The following CCSER2 variants were observed in gnomAD, a reference collection of about 807,000 sequenced individuals.
CCSER2 encodes coiled-coil serine rich protein 2, also known as serine-rich coiled-coil domain-containing protein 2.
A neutral mutation model predicts 92.3 loss-of-function variants in CCSER2; 46 were observed. The ratio of observed to expected loss-of-function variants is 0.50; its 90% confidence interval spans 0.39 to 0.64. CCSER2 has a LOEUF of 0.64. Among genes scored for constraint, CCSER2 ranks in the 30% least tolerant of loss-of-function variants. The pLI is 0.00. For missense variants in CCSER2, 1,244 were observed against 1,238.9 expected (o/e 1.00, Z -0.06); for synonymous variants, 433 against 431.4 (o/e 1.00, Z -0.04).
At chr10:84,425,158 A>C (rs1843362372) in intron 4 of CCSER2, 1 of 985,074 alleles carries the variant, frequency 1.0e-6, no homozygotes, top group South Asian at 4.7e-5. Context: ...CTTTGTTTTC[A>C]GTGGCATTTT....
intron 3 of CCSER2, among the ~76,000 whole-genome samples, chr10:84,380,475 A>G (rs762983064): frequency 1.3e-5 from 2 of 152,076 alleles, no homozygotes; most frequent in African/African-American, 4.8e-5. Context: ...TGACAATTAA[A>G]TCTAGTAATG....
At chr10:84,436,499 C>T (rs1174049283) in intron 5 of CCSER2, among the ~76,000 whole-genome samples, 1 of 148,904 alleles carries the variant, frequency 6.7e-6, no homozygotes, top group African/African-American at 2.5e-5. Flanking sequence ...GCCCGGCGTG[C>T]TGGCGGGCAC....
chr10:84,342,558 C>G (rs769177844), intron 1 of CCSER2, among the ~76,000 whole-genome samples: 27 of 152,134 alleles, frequency 1.8e-4, no homozygotes, highest in Non-Finnish European at 3.8e-4. Flanking sequence ...TTCTCCTGTT[C>G]ACAGAATAAA....
At chr10:84,513,003 A>T (rs1210878233) in intron 9 of CCSER2, among the ~76,000 whole-genome samples, 1 of 152,100 alleles carries the variant, frequency 6.6e-6, no homozygotes, top group African/African-American at 2.4e-5. Context: ...GAAGAACAAC[A>T]CTTGTTAACA....
At chr10:84,362,528 A>G (rs1236582199) in intron 1 of CCSER2, among the ~76,000 whole-genome samples, 1 of 152,196 alleles carries the variant, frequency 6.6e-6, no homozygotes, top group East Asian at 1.9e-4. Context: ...TTTTAAGTTT[A>G]AATTTCAGGA....
At chr10:84,353,138 C>T (rs919476593) in intron 1 of CCSER2, among the ~76,000 whole-genome samples, 1 of 152,164 alleles carries the variant, frequency 6.6e-6, no homozygotes, top group African/African-American at 2.4e-5. Context: ...ACACATATAC[C>T]TACTTGGTAA....
chr10:84,441,736 GTTTTTTTTTTTTTTTTTTTTTTT>G (rs869280119), intron 6 of CCSER2, among the ~76,000 whole-genome samples: 1,295 of 43,642 alleles, frequency 0.03, 47 homozygotes, highest in Middle Eastern at 0.11. Flanking sequence ...CTGGGAAAAT[GTTTTTTTTTTTTTTTTTTTTTTT>G]TTTTTTTTTT....
chr10:84,483,614 T>C (rs1471262666), intron 9 of CCSER2, among the ~76,000 whole-genome samples: 2 of 151,950 alleles, frequency 1.3e-5, no homozygotes, highest in African/African-American at 2.4e-5. Context: ...ACTCTATTTT[T>C]TCTTGCCTGA....
chr10:84,367,859 G>T (rs1221684172), intron 1 of CCSER2, among the ~76,000 whole-genome samples: 1 of 152,014 alleles, frequency 6.6e-6, no homozygotes, highest in East Asian at 1.9e-4. Context: ...TGTGTTACAA[G>T]AAACTGTTTA....
At chr10:84,391,443 T>C (rs1841514056) in intron 3 of CCSER2, 1 of 1,558,882 alleles carries the variant, frequency 6.4e-7, no homozygotes, top group South Asian at 1.1e-5. Context: ...TATTTTGCCC[T>C]GTTAGGTGAC....
chr10:84,439,207 T>TC (rs1844376838), intron 6 of CCSER2, among the ~76,000 whole-genome samples: 1 of 151,244 alleles, frequency 6.6e-6, no homozygotes, highest in Non-Finnish European at 1.5e-5. Context: ...TCTTTTTTTT[T>TC]TTTGAGAAAA....
chr10:84,470,496 C>T (rs763926595), intron 8 of CCSER2, 38 bp downstream of exon 8: 1 of 1,336,910 alleles, frequency 7.5e-7, no homozygotes, highest in Non-Finnish European at 9.7e-7. Flanking sequence ...ACTTTTCAAA[C>T]TGGGTGAAAT....
At chr10:84,419,572 A>T (rs1184399923) in intron 4 of CCSER2, among the ~76,000 whole-genome samples, 1 of 152,140 alleles carries the variant, frequency 6.6e-6, no homozygotes, top group Non-Finnish European at 1.5e-5. Context: ...CTGTAAGGAG[A>T]GAATGAAAAG....
At chr10:84,404,623 A>G (rs1564632824) in intron 3 of CCSER2, among the ~76,000 whole-genome samples, 1 of 152,192 alleles carries the variant, frequency 6.6e-6, no homozygotes, top group Non-Finnish European at 1.5e-5. Flanking sequence ...TTCTGTTCCA[A>G]TTGGATCATT....
In CCSER2 at chr10:84,438,535, C is replaced by T; in HGVS notation, c.1892C>T (p.Pro631Leu). Reference sequence around the variant, plus strand: ...AGAGGCTCTCCCTATAGAGAATCTCCTTTGGGTCATTTTGAAAGCTATGGA... The same window carrying T: ...AGAGGCTCTCCCTATAGAGAATCTCTTTTGGGTCATTTTGAAAGCTATGGA... ...LSRGSPYRES[P>L]LGHFESYGGM... The change falls in exon 6 of 10, where the codon CCT becomes CTT. Residue 631 changes from proline (P) to leucine (L), a missense_variant. Coordinates refer to ENST00000372088, the MANE Select transcript of CCSER2 (RefSeq NM_001284240.2). 6.2e-7 allele frequency: 1 copy of T among 1,611,280 alleles called. No homozygotes were observed. Among genetic ancestry groups the T allele is most frequent in the Non-Finnish European group, 8.5e-7 (1 of 1,178,350 alleles).
At chr10:84,424,339 C>G (rs1843317729) in intron 4 of CCSER2, among the ~76,000 whole-genome samples, 1 of 149,920 alleles carries the variant, frequency 6.7e-6, no homozygotes, top group Non-Finnish European at 1.5e-5. Context: ...GAAATAAGTT[C>G]AAATGTAAGG....
At chr10:84,464,806 A>G (rs1337748557) in intron 7 of CCSER2, among the ~76,000 whole-genome samples, 2 of 152,156 alleles carry the variant, frequency 1.3e-5, no homozygotes, top group Admixed American at 6.6e-5. Context: ...GAGAACTTTG[A>G]TAGGATCACA....
rs1265750141 is a variant in CCSER2 at position 84,459,346 on chromosome 10, T to A, written c.2065-4587T>A. Among the ~76,000 whole-genome samples, 2 of 152,196 alleles carry A rather than the reference T, an allele frequency of 1.3e-5. 1 individual carries two copies. Among genetic ancestry groups the A allele is most frequent in the East Asian group, 3.8e-4 (2 of 5,196 alleles). ...TCTGTGTCTAAATGAGGTTATTTTATTTTTTTCTTTCCTATTCGTTCGCCT... is the reference window on the plus strand; with the variant it reads ...TCTGTGTCTAAATGAGGTTATTTTAATTTTTTCTTTCCTATTCGTTCGCCT... On this transcript the variant is annotated intron_variant, in intron 6 of 9. Transcript: ENST00000372088.
In CCSER2 at chr10:84,461,050, A is replaced by G. The variant is rs1846073922; in HGVS notation, c.2065-2883A>G. Among the ~76,000 whole-genome samples, 2 of 152,096 alleles carry G rather than the reference A, an allele frequency of 1.3e-5. 1 individual carries two copies. Among genetic ancestry groups the G allele is most frequent in the East Asian group, 3.9e-4 (2 of 5,194 alleles). On this transcript the variant is annotated intron_variant, in intron 6 of 9. Coordinates refer to ENST00000372088, the MANE Select transcript of CCSER2 (RefSeq NM_001284240.2). ...TTGATTTGACACCTTTGTTTTAATA[A>G]AAGTATTTCATTCTATAATTTTCCC...
Sources: allele counts gnomAD v4.1 joint callset (sites outside exome capture counted in the v4.1 genomes callset), GRCh38; gene constraint gnomAD v4.1.1; transcripts MANE v1.5; gene names NCBI Gene and HGNC (gene_info 2026-07-23, HGNC 2026-07-21).